WWOX: variants seen among roughly 807,000 people sequenced by gnomAD.
The protein encoded by WWOX is WW domain-containing oxidoreductase.
WWOX carries 69 observed loss-of-function variants against 46.2 expected under a neutral mutation model. That is an observed-to-expected ratio of 1.49 (90% CI 1.23 to 1.82). The LOEUF is 1.82. Among genes scored for constraint, WWOX ranks in the 40% most tolerant of loss-of-function variants. WWOX has a pLI of 0.00. For synonymous variants in WWOX, 359 were observed against 202.6 expected (o/e 1.77, Z -6.56); for missense variants, 919 against 542.6 (o/e 1.69, Z -6.89).
At chr16:78,410,626 A>G (rs889238881) in intron 6 of WWOX, among the ~76,000 whole-genome samples, 2 of 151,830 alleles carry the variant, frequency 1.3e-5, no homozygotes, top group Non-Finnish European at 2.9e-5. Context: ...CCTGGCCAAC[A>G]TGGTGAAACG....
chr16:78,809,987 C>T (rs2051144902), intron 8 of WWOX, among the ~76,000 whole-genome samples: 1 of 152,092 alleles, frequency 6.6e-6, no homozygotes, highest in African/African-American at 2.4e-5. Context: ...ATCTCAGCAC[C>T]AATAGAAACA....
At chr16:78,960,164 A>C (rs779802939) in intron 8 of WWOX, among the ~76,000 whole-genome samples, 3 of 152,218 alleles carry the variant, frequency 2.0e-5, no homozygotes, top group Non-Finnish European at 2.9e-5. Flanking sequence ...AGCTAATTCC[A>C]GAAAGCCATG....
chr16:78,414,009 C>T (rs192439909), intron 6 of WWOX, among the ~76,000 whole-genome samples: 4 of 152,028 alleles, frequency 2.6e-5, no homozygotes, highest in African/African-American at 7.2e-5. Flanking sequence ...CAGTTCTTGC[C>T]TTAACTGATG....
At position 78,342,309 on chromosome 16, in the gene WWOX, T is replaced by A. The variant is rs9926696; in HGVS notation, c.517-44551T>A. On this transcript the variant is annotated intron_variant, in intron 5 of 8. Transcript: ENST00000566780. ...GCTGATTTGTTCCTTTCATTACATATCCAGTGTGAGTTGGCTGGAAGGTCC... is the reference window on the plus strand; with the variant it reads ...GCTGATTTGTTCCTTTCATTACATAACCAGTGTGAGTTGGCTGGAAGGTCC... 9.2e-5 allele frequency among the ~76,000 whole-genome samples: 11 copies of A among 119,348 alleles called. 4 individuals carry two copies. Among genetic ancestry groups the A allele is most frequent in the African/African-American group, 3.1e-4 (11 of 35,300 alleles). The allele number at this position is 119,348 out of a possible 152,430, so 78.3% of individuals were successfully genotyped here.
chr16:78,136,466 C>G (rs2033793939), intron 4 of WWOX, among the ~76,000 whole-genome samples: 1 of 152,112 alleles, frequency 6.6e-6, no homozygotes, highest in Non-Finnish European at 1.5e-5. Flanking sequence ...CTTACTGGAT[C>G]TAGTCTTCAT....
At chr16:78,451,362 T>C (rs1231771584) in intron 8 of WWOX, among the ~76,000 whole-genome samples, 1 of 152,198 alleles carries the variant, frequency 6.6e-6, no homozygotes, top group African/African-American at 2.4e-5. Flanking sequence ...TCACATTTCT[T>C]AGGACTAATT....
At chr16:78,422,158 T>A (rs1187593838) in intron 6 of WWOX, among the ~76,000 whole-genome samples, 3 of 152,182 alleles carry the variant, frequency 2.0e-5, no homozygotes, top group Admixed American at 2.0e-4. Context: ...TACGTGTTTG[T>A]CTCATAGATT....
chr16:78,908,783 A>G (rs995853272), intron 8 of WWOX, among the ~76,000 whole-genome samples: 4 of 152,124 alleles, frequency 2.6e-5, no homozygotes, highest in Admixed American at 1.3e-4. Flanking sequence ...ATATGAGTCA[A>G]TTTATTGACC....
intron 8 of WWOX, among the ~76,000 whole-genome samples, chr16:78,849,573 C>CA (rs778723646): frequency 0.45 from 43,652 of 97,102 alleles, 10,101 homozygotes; most frequent in Admixed American, 0.5. Flanking sequence ...GAATCCCTCT[C>CA]AAAAAAAAAA....
chr16:79,035,240 G>C (rs747099248), intron 8 of WWOX, among the ~76,000 whole-genome samples: 2 of 152,114 alleles, frequency 1.3e-5, no homozygotes, highest in South Asian at 2.1e-4. Context: ...ACAAGACCAC[G>C]TACCTTCCAG....
rs535634159 is a variant in WWOX at position 78,565,707 on chromosome 16, A to G, written c.1056+132955A>G. On this transcript the variant is annotated intron_variant, in intron 8 of 8. Transcript: ENST00000566780. ...AGGGAGTCATTATTACTCTACCACA[A>G]CCACTAATTCTGGACTTCACGTTCC... Among the ~76,000 whole-genome samples, 17 of 152,226 alleles carry G rather than the reference A, an allele frequency of 1.1e-4. No homozygotes were observed. The South Asian group carries it at 2.9e-3, about 26-fold the overall frequency.
intron 8 of WWOX, among the ~76,000 whole-genome samples, chr16:78,919,492 C>G (rs2045327265): frequency 6.7e-6 from 1 of 148,484 alleles, no homozygotes; most frequent in African/African-American, 2.5e-5. Context: ...AAGTGGCTTT[C>G]TTCTCTTTTT....
At chr16:78,159,387 C>A (rs748238252) in intron 4 of WWOX, among the ~76,000 whole-genome samples, 1 of 151,992 alleles carries the variant, frequency 6.6e-6, no homozygotes, top group African/African-American at 2.4e-5. Context: ...TGAGGAACCT[C>A]CATACTGTTT....
intron 8 of WWOX, among the ~76,000 whole-genome samples, chr16:78,971,091 A>G (rs2046459577): frequency 1.3e-5 from 2 of 151,944 alleles, no homozygotes; most frequent in South Asian, 2.1e-4. Flanking sequence ...ATGTATATCA[A>G]TATATATATC....
intron 8 of WWOX, among the ~76,000 whole-genome samples, chr16:78,685,509 G>A (rs118111837): frequency 6.6e-6 from 1 of 152,120 alleles, no homozygotes; most frequent in Non-Finnish European, 1.5e-5. Context: ...TAGACCTGGG[G>A]ACTATGTATC....
chr16:79,111,310 T>A (rs1294767549), intron 8 of WWOX, among the ~76,000 whole-genome samples: 1 of 152,246 alleles, frequency 6.6e-6, no homozygotes, highest in East Asian at 1.9e-4. Context: ...TTCTCTGTCA[T>A]GTTTAATTTT....
chr16:78,849,227 C>T (rs182042082), intron 8 of WWOX, among the ~76,000 whole-genome samples: 1 of 152,296 alleles, frequency 6.6e-6, no homozygotes, highest in Admixed American at 6.5e-5. Flanking sequence ...GGGCATGTTG[C>T]TACAGAGTCA....
chr16:78,475,194 T>G (rs2084324228), intron 8 of WWOX, among the ~76,000 whole-genome samples: 1 of 152,322 alleles, frequency 6.6e-6, no homozygotes, highest in Non-Finnish European at 1.5e-5. Flanking sequence ...GAGTTCTGCT[T>G]TAGAAATCAT....
intron 8 of WWOX, among the ~76,000 whole-genome samples, chr16:78,894,553 A>C (rs2044659781): frequency 6.6e-6 from 1 of 152,132 alleles, no homozygotes; most frequent in African/African-American, 2.4e-5. Flanking sequence ...ATCCAGCCTG[A>C]TTCTAATTTT....
Sources: allele counts gnomAD v4.1 joint callset (sites outside exome capture counted in the v4.1 genomes callset), GRCh38; gene constraint gnomAD v4.1.1; transcripts MANE v1.5; gene names NCBI Gene and HGNC (gene_info 2026-07-23, HGNC 2026-07-21).